The following SLC9A9 variants were observed in gnomAD, a reference collection of about 807,000 sequenced individuals.
SLC9A9 encodes sodium/hydrogen exchanger 9.
Under a neutral mutation model 77.8 loss-of-function variants are expected in SLC9A9, and 62 were observed. The ratio of observed to expected loss-of-function variants is 0.80; its 90% CI spans 0.65 to 0.98. SLC9A9 has a LOEUF of 0.98. Ranked by LOEUF, SLC9A9 falls within the 50% of genes least tolerant of loss-of-function variation. SLC9A9 has a pLI of 0.00. For missense variants in SLC9A9, 775 were observed against 774.9 expected, an observed-to-expected ratio of 1.00 and a Z score of 0.00; for synonymous variants, 320 against 283.5, an observed-to-expected ratio of 1.13 and a Z score of -1.29.
At chr3:143,833,449 CAG>C (rs919784804) in intron 1 of SLC9A9, among the ~76,000 whole-genome samples, 5 of 152,172 alleles carry the variant, frequency 3.3e-5, no homozygotes, top group African/African-American at 9.6e-5. Context: ...TGAGTATAGA[CAG>C]GGGGTATTCC....
At chr3:143,643,220 G>A (rs777660644) in intron 6 of SLC9A9, among the ~76,000 whole-genome samples, 11 of 152,136 alleles carry the variant, frequency 7.2e-5, no homozygotes, top group Non-Finnish European at 1.3e-4. Context: ...GAGGGGATAC[G>A]GCTGTGACAG....
At chr3:143,401,459 T>C (rs1473697440) in intron 12 of SLC9A9, among the ~76,000 whole-genome samples, 1 of 152,210 alleles carries the variant, frequency 6.6e-6, no homozygotes, top group Non-Finnish European at 1.5e-5. Context: ...TTTTCCTACC[T>C]GGCATCAGAC....
intron 4 of SLC9A9, among the ~76,000 whole-genome samples, chr3:143,700,426 G>A (rs964303190): frequency 3.9e-5 from 6 of 152,194 alleles, no homozygotes; most frequent in African/African-American, 9.7e-5. Flanking sequence ...CTGGGCCAGA[G>A]GGGAGGCTAC....
At chr3:143,725,976 T>G (rs1290657139) in intron 4 of SLC9A9, among the ~76,000 whole-genome samples, 2 of 152,070 alleles carry the variant, frequency 1.3e-5, no homozygotes, top group East Asian at 3.9e-4. Context: ...ATTTTATAAA[T>G]GAGTCACCTT....
intron 2 of SLC9A9, among the ~76,000 whole-genome samples, chr3:143,818,294 G>T (rs897484489): frequency 2.6e-5 from 4 of 152,002 alleles, no homozygotes; most frequent in African/African-American, 9.7e-5. Context: ...AAGAACTGGG[G>T]ACTCAGACTT....
At chr3:143,540,274 C>T (rs1276836789) in intron 9 of SLC9A9, among the ~76,000 whole-genome samples, 1 of 152,044 alleles carries the variant, frequency 6.6e-6, no homozygotes, top group Middle Eastern at 3.2e-3. Context: ...CTGAAGAAAG[C>T]AAGCCAGCAG....
intron 14 of SLC9A9, among the ~76,000 whole-genome samples, chr3:143,355,748 G>C (rs1280508664): frequency 6.6e-6 from 1 of 152,152 alleles, no homozygotes; most frequent in Non-Finnish European, 1.5e-5. Context: ...CCTGGCATGT[G>C]GTAGACTTGA....
chr3:143,635,605 C>T (rs1053179786), intron 6 of SLC9A9, among the ~76,000 whole-genome samples: 1 of 152,298 alleles, frequency 6.6e-6, no homozygotes, highest in African/African-American at 2.4e-5. Context: ...TACAAATAGC[C>T]TCCAGCAGAG....
At chr3:143,552,324 G>GA in intron 9 of SLC9A9, 38 bp downstream of exon 9, 1 of 1,490,070 alleles carries the variant, frequency 6.7e-7, no homozygotes. Context: ...ATTTCACTGA[G>GA]AAAAGAGACC....
chr3:143,333,813 T>C (rs1054400732), intron 14 of SLC9A9, among the ~76,000 whole-genome samples: 1 of 152,368 alleles, frequency 6.6e-6, no homozygotes, highest in East Asian at 1.9e-4. Flanking sequence ...TTATGCATTA[T>C]GTTAGCTGCT....
intron 14 of SLC9A9, among the ~76,000 whole-genome samples, chr3:143,302,115 T>C (rs1422492683): frequency 6.6e-6 from 1 of 152,152 alleles, no homozygotes; most frequent in Non-Finnish European, 1.5e-5. Flanking sequence ...TGTCCCACCT[T>C]TGTCACAGCG....
chr3:143,622,983 A>G (rs2038248932), intron 6 of SLC9A9, among the ~76,000 whole-genome samples: 1 of 152,220 alleles, frequency 6.6e-6, no homozygotes, highest in Admixed American at 6.5e-5. Context: ...GATAAAACAG[A>G]CTTTAAACCA....
chr3:143,503,280 A>G lies in SLC9A9; in HGVS notation c.1090-7832T>C, dbSNP rs188224461. 7.8e-3 allele frequency: 2,041 copies of G among 261,128 alleles called. 17 individuals carry two copies. The highest frequency in any genetic ancestry group is 0.012 in the Non-Finnish European group (1,557 of 133,134). The allele number at this position is 261,128 out of a possible 1,614,324, so 16.2% of individuals were successfully genotyped here. On this transcript the variant is annotated intron_variant, in intron 9 of 15. Transcript: ENST00000316549. ...CTGTCACTGGGGCTGGTGGTCTAGG[A>G]GGCCATGTGGACCATAAGGCCTCCC... is the stretch of plus-strand genomic sequence containing the variant.
intron 4 of SLC9A9, among the ~76,000 whole-genome samples, chr3:143,748,663 G>A (rs1935257971): frequency 6.6e-6 from 1 of 150,396 alleles, no homozygotes; most frequent in South Asian, 2.1e-4. Context: ...ACAGAGGACG[G>A]ACTGGCAAAG....
At chr3:143,373,735 C>G (rs2033111411) in intron 13 of SLC9A9, among the ~76,000 whole-genome samples, 1 of 149,510 alleles carries the variant, frequency 6.7e-6, no homozygotes. Flanking sequence ...TGTCAGTGAA[C>G]TTGAAAAGAG....
At position 143,658,600 on chromosome 3, in the gene SLC9A9, T is replaced by G. The variant is rs1300495701; in HGVS notation, c.650-6240A>C. 3.9e-5 allele frequency among the ~76,000 whole-genome samples: 6 copies of G among 152,288 alleles called. No individual in the cohort carries two copies. The East Asian group carries it at 9.6e-4, about 24-fold the overall frequency. On this transcript the variant is annotated intron_variant, in intron 5 of 15. Transcript: ENST00000316549. Reference sequence around the variant, plus strand: ...TGTTTAAGCCCTTTTTTTTGAAATGTAAGGCTTTGTGGGCAGAGATTTATT... The same window carrying G: ...TGTTTAAGCCCTTTTTTTTGAAATGGAAGGCTTTGTGGGCAGAGATTTATT...
intron 6 of SLC9A9, among the ~76,000 whole-genome samples, chr3:143,584,184 C>T (rs1431160196): frequency 6.6e-6 from 1 of 152,176 alleles, no homozygotes; most frequent in Non-Finnish European, 1.5e-5. Flanking sequence ...TCACGACACT[C>T]TTCCTCAAGG....
intron 4 of SLC9A9, among the ~76,000 whole-genome samples, chr3:143,758,397 G>A (rs1027796634): frequency 6.6e-6 from 1 of 152,108 alleles, no homozygotes; most frequent in African/African-American, 2.4e-5. Context: ...TCAAAATTGG[G>A]CTTTTCTTGT....
chr3:143,468,404 T>A (rs953720409), intron 11 of SLC9A9, among the ~76,000 whole-genome samples: 4 of 152,194 alleles, frequency 2.6e-5, no homozygotes, highest in African/African-American at 9.7e-5. Flanking sequence ...TGTAGGTCTA[T>A]TTCTCAGTTC....
Sources: allele counts gnomAD v4.1 joint callset (sites outside exome capture counted in the v4.1 genomes callset), GRCh38; gene constraint gnomAD v4.1.1; transcripts MANE v1.5; gene names NCBI Gene and HGNC (gene_info 2026-07-23, HGNC 2026-07-21).